HLCS: variants seen among roughly 807,000 people sequenced by gnomAD.
HLCS encodes the protein holocarboxylase synthetase.
Under a neutral mutation model 75.0 loss-of-function variants are expected in HLCS, and 53 were observed. That is an observed-to-expected ratio of 0.71 (90% CI 0.57 to 0.89). The LOEUF (loss-of-function observed/expected upper bound fraction) is 0.89. Ranked by LOEUF, HLCS falls within the 40% of genes least tolerant of loss-of-function variation. The pLI is 0.00. For missense variants in HLCS, 966 were observed against 1,074.0 expected (o/e 0.90, Z 1.41); for synonymous variants, 431 against 428.6 (o/e 1.01, Z -0.07).
intron 5 of HLCS, among the ~76,000 whole-genome samples, chr21:36,924,991 A>G (rs975013948): frequency 2.6e-5 from 4 of 152,180 alleles, no homozygotes; most frequent in Non-Finnish European, 5.9e-5. Context: ...AAAAAGTAAC[A>G]TAAAGGACTT....
intron 6 of HLCS, among the ~76,000 whole-genome samples, chr21:36,860,624 A>G (rs1361547663): frequency 6.6e-6 from 1 of 152,216 alleles, no homozygotes; most frequent in Admixed American, 6.5e-5. Flanking sequence ...GAAGGAGGAG[A>G]GGCTGAAGAA....
At chr21:36,942,777 A>G (rs1277440849) in intron 2 of HLCS, among the ~76,000 whole-genome samples, 1 of 152,136 alleles carries the variant, frequency 6.6e-6, no homozygotes, top group Admixed American at 6.6e-5. Flanking sequence ...AAAATGGGCA[A>G]AGGATGTAAG....
chr21:36,918,767 T>C (rs1313678910), intron 5 of HLCS, among the ~76,000 whole-genome samples: 1 of 152,222 alleles, frequency 6.6e-6, no homozygotes, highest in Non-Finnish European at 1.5e-5. Flanking sequence ...GGCCTTGTAA[T>C]GGGGGCTAAA....
intron 6 of HLCS, among the ~76,000 whole-genome samples, chr21:36,787,246 C>T (rs571397467): frequency 5.6e-4 from 85 of 152,302 alleles, no homozygotes; most frequent in Non-Finnish European, 8.7e-4. Context: ...GATGTTCCTC[C>T]GAGAGCAGTC....
intron 6 of HLCS, among the ~76,000 whole-genome samples, chr21:36,890,348 AG>A (rs2064726004): frequency 6.6e-6 from 1 of 152,238 alleles, no homozygotes; most frequent in Non-Finnish European, 1.5e-5. Flanking sequence ...ACTGGAGCCC[AG>A]GATAAAGGAT....
intron 5 of HLCS, among the ~76,000 whole-genome samples, chr21:36,903,346 T>C (rs557588825): frequency 2.6e-5 from 4 of 152,108 alleles, no homozygotes; most frequent in Admixed American, 6.5e-5. Flanking sequence ...TAACCAACTC[T>C]GCCCCTAAAA....
chr21:36,911,505 G>A (rs2065706442), intron 5 of HLCS, among the ~76,000 whole-genome samples: 1 of 152,128 alleles, frequency 6.6e-6, no homozygotes, highest in Non-Finnish European at 1.5e-5. Context: ...AGCACTTTGG[G>A]AGGCTGAGGC....
intron 1 of HLCS, among the ~76,000 whole-genome samples, chr21:36,978,274 T>C (rs1277679012): frequency 6.6e-6 from 1 of 151,998 alleles, no homozygotes; most frequent in Admixed American, 6.6e-5. Context: ...GGCGGGTGGA[T>C]CACCTGAGGT....
chr21:36,969,598 T>C (rs1296247379), upstream of HLCS: 1 of 135,540 alleles, frequency 7.4e-6, no homozygotes, highest in South Asian at 2.4e-4. Context: ...TTTTTTTTTT[T>C]AGATGAAGTC....
chr21:36,906,145 G>A (rs971238086), intron 5 of HLCS, among the ~76,000 whole-genome samples: 10 of 151,548 alleles, frequency 6.6e-5, no homozygotes, highest in Non-Finnish European at 1.3e-4. Flanking sequence ...CATTTTAATG[G>A]CATCAATAGA....
chr21:36,942,817 C>A (rs568212512), intron 2 of HLCS, among the ~76,000 whole-genome samples: 1 of 152,094 alleles, frequency 6.6e-6, no homozygotes, highest in Non-Finnish European at 1.5e-5. Flanking sequence ...GTAGTCCCAG[C>A]TACTAGGGAG....
At chr21:36,919,410 G>A (rs1474333042) in intron 5 of HLCS, among the ~76,000 whole-genome samples, 1 of 152,184 alleles carries the variant, frequency 6.6e-6, no homozygotes, top group African/African-American at 2.4e-5. Context: ...ACGTTTTTGA[G>A]CAATGTCCGA....
chr21:36,982,749 G>A (rs1027963173), intron 1 of HLCS, among the ~76,000 whole-genome samples: 12 of 152,178 alleles, frequency 7.9e-5, no homozygotes, highest in African/African-American at 2.9e-4. Flanking sequence ...AACTCTGGCA[G>A]GCCAAGTGCA....
At chr21:36,979,828 G>C (rs958397533) in intron 1 of HLCS, among the ~76,000 whole-genome samples, 1 of 151,878 alleles carries the variant, frequency 6.6e-6, no homozygotes, top group Admixed American at 6.6e-5. Context: ...AGGCAAAAGC[G>C]GGCAAATCAC....
chr21:36,962,211 T>C, intron 1 of HLCS, 41 bp from the exon 2 acceptor site: 1 of 1,254,820 alleles, frequency 8.0e-7, no homozygotes, highest in Non-Finnish European at 1.0e-6. Context: ...TGTCACTTCA[T>C]ACCACAACTG....
chr21:36,850,135 T>C (rs1350255396), intron 6 of HLCS, among the ~76,000 whole-genome samples: 2 of 152,256 alleles, frequency 1.3e-5, no homozygotes, highest in South Asian at 4.1e-4. Flanking sequence ...GAAAACATTC[T>C]GTGTGGCAGT....
At chr21:36,855,521 G>C (rs112613370) in intron 6 of HLCS, among the ~76,000 whole-genome samples, 8,351 of 126,302 alleles carry the variant, frequency 0.066, 870 homozygotes, top group African/African-American at 0.23. Flanking sequence ...CTGGGCAACA[G>C]AGCAAGACTC....
chr21:36,970,966 C>G (rs536113380), upstream of HLCS, among the ~76,000 whole-genome samples: 5 of 149,372 alleles, frequency 3.3e-5, no homozygotes, highest in East Asian at 9.9e-4. Context: ...TGCACTCCAG[C>G]CTGGGCGACA....
intron 5 of HLCS, among the ~76,000 whole-genome samples, chr21:36,919,121 AAAT>A (rs2066053109): frequency 6.6e-6 from 1 of 152,232 alleles, no homozygotes; most frequent in South Asian, 2.1e-4. Context: ...AATTCCTTCC[AAAT>A]AATACTGGCA....
Sources: gnomAD v4.1 joint callset for allele counts (sites outside exome capture counted in the v4.1 genomes callset) on GRCh38, gnomAD v4.1.1 for gene constraint, MANE v1.5 for transcripts, NCBI Gene and HGNC (gene_info 2026-07-23, HGNC 2026-07-21) for gene names.